Variants in ATP2A2 observed in about 807,000 individuals in gnomAD.
The protein encoded by ATP2A2 is ATPase sarcoplasmic/endoplasmic reticulum Ca2+ transporting 2.
Under a neutral mutation model 109.3 loss-of-function variants are expected in ATP2A2, and 14 were observed. The observed-to-expected ratio is 0.13, with a 90% CI of 0.08 to 0.20. ATP2A2 has a LOEUF of 0.20. ATP2A2 is among the 10% of genes least tolerant of loss of function. The probability of loss-of-function intolerance (pLI) is 1.00; values close to 1 mark genes in which losing one functional copy is unlikely to be tolerated. For synonymous variants in ATP2A2, 506 were observed against 490.9 expected (o/e 1.03, Z -0.41); for missense variants, 657 against 1,321.6 (o/e 0.50, Z 7.80).
In ATP2A2 at chr12:110,347,133, C is replaced by G. The variant is rs760439803; in HGVS notation, c.*663C>G. 3 of 1,178,572 alleles carry G rather than the reference C, an allele frequency of 2.5e-6. No homozygotes were observed. The highest frequency in any genetic ancestry group is 3.2e-6 in the Non-Finnish European group (3 of 938,444). 73.0% of individuals were successfully genotyped at this position (1,178,572 alleles called of 1,614,324 possible). A position where few individuals can be genotyped will look rare whatever the true frequency, so the allele number is the denominator to read the frequency against. On this transcript the variant is annotated 3_prime_UTR_variant, in exon 20 of 20. Transcript: ENST00000539276. ...TTTTAACGAGAGGTATGCCTGTACT[C>G]GCTTGTGCAGAAAACATTGTTCCAG... is the stretch of plus-strand genomic sequence containing the variant.
At chr12:110,299,906 G>A (rs969344499) in intron 5 of ATP2A2, among the ~76,000 whole-genome samples, 11 of 152,030 alleles carry the variant, frequency 7.2e-5, no homozygotes, top group South Asian at 2.1e-4. Flanking sequence ...ACAGGCATGC[G>A]CCATCATGCC....
rs115703144 is a variant in ATP2A2, at chr12:110,333,927, G to A, written c.1288-85G>A. ...AGTGTTGTAATAGAGGACAGATTGT[G>A]CTTTTGTGGAAAAAAAATATTAAAG... On this transcript the variant is annotated intron_variant, in intron 10 of 19. Coordinates refer to ENST00000539276, the MANE Select transcript of ATP2A2 (RefSeq NM_170665.4). 1.9e-6 allele frequency: 3 copies of A among 1,582,322 alleles called. No individual in the cohort carries two copies. In the African/African-American group the frequency reaches 4.0e-5, roughly 21 times the overall value.
rs1880208850 is a variant in ATP2A2, at chr12:110,349,582, G to A, written c.*3112G>A. 3 of 986,432 alleles carry A rather than the reference G, an allele frequency of 3.0e-6. No individual in the cohort carries two copies. Among genetic ancestry groups the A allele is most frequent in the South Asian group, 9.4e-5 (2 of 21,330 alleles). 61.1% of individuals were successfully genotyped at this position (986,432 alleles called of 1,614,324 possible). On this transcript the variant is annotated 3_prime_UTR_variant, in exon 20 of 20. Transcript: ENST00000539276. ...CTGGCCGACTTCCCTCACAACAGCT[G>A]CTCCCACATCCCCTCGGACTGGAGC...
rs1879414520 is a variant in ATP2A2 at position 110,342,131 on chromosome 12, A to G, written c.2098-97A>G. Reference sequence around the variant, plus strand: ...TCTTTGCCAAGAGACCTACGGCTCTATTCATTTTCCTCCTGCTTCCCATTC... The same window carrying G: ...TCTTTGCCAAGAGACCTACGGCTCTGTTCATTTTCCTCCTGCTTCCCATTC... On this transcript the variant is annotated intron_variant, in intron 14 of 19. Transcript: ENST00000539276. This position sits in a 1 kb window ranked among gnomAD's most constrained non-coding sequence, Gnocchi z 4.6. The G allele has an allele frequency of 8.0e-6, 11 of 1,380,236 alleles. No homozygotes were observed. The highest frequency in any genetic ancestry group is 1.0e-5 in the Non-Finnish European group (10 of 969,572). 85.5% of individuals were successfully genotyped at this position (1,380,236 alleles called of 1,614,324 possible). A position where few individuals can be genotyped will look rare whatever the true frequency, so the allele number is the denominator to read the frequency against.
At chr12:110,343,170 C>T (rs1879516277) in intron 15 of ATP2A2, 62 bp from the exon 16 acceptor site, 1 of 1,554,910 alleles carries the variant, frequency 6.4e-7, no homozygotes, top group Non-Finnish European at 8.9e-7. Flanking sequence ...TGATGATGCT[C>T]TTTAAATAGT....
chr12:110,345,812 A>G (rs2137873489), intron 18 of ATP2A2, 189 bp from the exon 19 acceptor site: 1 of 680,244 alleles, frequency 1.5e-6, no homozygotes, highest in African/African-American at 1.8e-5. Context: ...ACATAGATAC[A>G]GAATTCACAG....
At chr12:110,295,284 C>T (rs768461286) in intron 4 of ATP2A2, among the ~76,000 whole-genome samples, 1 of 152,166 alleles carries the variant, frequency 6.6e-6, no homozygotes, top group African/African-American at 2.4e-5. Context: ...ACCTCAGCCT[C>T]CTGAGCAGCT....
At chr12:110,295,171 CT>C (rs983935965) in intron 4 of ATP2A2, among the ~76,000 whole-genome samples, 3 of 150,910 alleles carry the variant, frequency 2.0e-5, no homozygotes, top group Non-Finnish European at 4.4e-5. Context: ...GATAATTTAT[CT>C]TTTTTTTCCC....
intron 1 of ATP2A2, 58 bp from the exon 2 acceptor site, chr12:110,282,546 C>CTTT: frequency 7.6e-7 from 1 of 1,315,440 alleles, no homozygotes; most frequent in Non-Finnish European, 1.1e-6. Flanking sequence ...ATGTCTCTCT[C>CTTT]TTTTTTTTTT....
chr12:110,333,463 C>T (rs1194010226), intron 10 of ATP2A2, among the ~76,000 whole-genome samples, 180 bp downstream of exon 10: 1 of 152,146 alleles, frequency 6.6e-6, no homozygotes. Flanking sequence ...AAGCTGAGAG[C>T]CTTTCACATA....
chr12:110,323,255 G>T (rs115270402), intron 6 of ATP2A2, among the ~76,000 whole-genome samples, 183 bp downstream of exon 6: 3,312 of 152,276 alleles, frequency 0.022, 108 homozygotes, highest in African/African-American at 0.075. Flanking sequence ...CGTGATTGCG[G>T]CTCACTGCAG....
chr12:110,312,974 G>T (rs1876253651), intron 5 of ATP2A2, among the ~76,000 whole-genome samples: 1 of 151,982 alleles, frequency 6.6e-6, no homozygotes, highest in African/African-American at 2.4e-5. Flanking sequence ...AAACGGATAA[G>T]CAGAAGAGCA....
chr12:110,293,450 A>C (rs1382174947), intron 4 of ATP2A2, among the ~76,000 whole-genome samples: 9 of 144,938 alleles, frequency 6.2e-5, no homozygotes, highest in African/African-American at 7.8e-5. Flanking sequence ...GCTGGAGTGC[A>C]ATGGTGCAGT....
At chr12:110,322,549 T>G (rs1170554521) in intron 5 of ATP2A2, among the ~76,000 whole-genome samples, 1 of 152,202 alleles carries the variant, frequency 6.6e-6, no homozygotes, top group Non-Finnish European at 1.5e-5. Context: ...GAATATCTTT[T>G]TAAAGGGGGC....
At position 110,350,313 on chromosome 12, in the gene ATP2A2, C is replaced by T. The variant is rs1880285659; in HGVS notation, c.*3843C>T. 2 of 1,614,056 alleles carry T rather than the reference C, an allele frequency of 1.2e-6. No individual in the cohort carries two copies. Among genetic ancestry groups the T allele is most frequent in the Non-Finnish European group, 8.5e-7 (1 of 1,180,046 alleles). ...TCAGCAATACTGGAGTAACCGCTTC[C>T]TAAACCATTTTGCAGAAATGTAAGG... On this transcript the variant is annotated 3_prime_UTR_variant, in exon 20 of 20. Transcript: ENST00000539276.
In ATP2A2 at chr12:110,340,684, T is replaced by TG. The variant is rs1879264870; in HGVS notation, c.1790dup (p.Met598HisfsTer48). 1 of 1,614,092 alleles carries TG rather than the reference T, an allele frequency of 6.2e-7. No homozygotes were observed. Among genetic ancestry groups the TG allele is most frequent in the Admixed American group, 1.7e-5 (1 of 60,008 alleles). On this transcript the variant is annotated frameshift_variant, in exon 14 of 20. Coordinates refer to ENST00000539276, the MANE Select transcript of ATP2A2 (RefSeq NM_170665.4). LOFTEE classifies it high-confidence loss of function. This position sits in a 1 kb window ranked among gnomAD's most constrained non-coding sequence, Gnocchi z 6.0. ...ACCAATCTGACCTTCGTTGGCTGCG[T>TG]GGGCATGCTGGATCCTCCGAGAATC...
chr12:110,344,983 C>T lies in ATP2A2; in HGVS notation c.2607+12C>T. On this transcript the variant is annotated intron_variant, in intron 17 of 19. Coordinates refer to ENST00000539276, the MANE Select transcript of ATP2A2 (RefSeq NM_170665.4). Reference sequence around the variant, plus strand: ...CCTTCTACCAGCTGGTACTCAGTCACCTTTCTTTCTGTACCTTACATGAGA... The same window carrying T: ...CCTTCTACCAGCTGGTACTCAGTCATCTTTCTTTCTGTACCTTACATGAGA... 6.2e-7 allele frequency: 1 copy of T among 1,613,366 alleles called. No individual in the cohort carries two copies. Among genetic ancestry groups the T allele is most frequent in the Non-Finnish European group, 8.5e-7 (1 of 1,179,314 alleles).
At chr12:110,341,135 A>C (rs1214800597) in intron 14 of ATP2A2, 141 bp downstream of exon 14, 2 of 954,544 alleles carry the variant, frequency 2.1e-6, no homozygotes, top group South Asian at 1.5e-5. Flanking sequence ...GAATTCGGTG[A>C]ATCAGTGGTT....
intron 4 of ATP2A2, among the ~76,000 whole-genome samples, chr12:110,295,639 TATAC>T (rs1873888331): frequency 1.3e-5 from 2 of 152,230 alleles, no homozygotes; most frequent in South Asian, 4.1e-4. Flanking sequence ...TTCTGGGGTA[TATAC>T]ATCAAAACTG....
Sources: allele counts gnomAD v4.1 joint callset (sites outside exome capture counted in the v4.1 genomes callset), GRCh38; gene constraint gnomAD v4.1.1; non-coding constraint Gnocchi (gnomAD v3.1); transcripts MANE v1.5; gene names NCBI Gene and HGNC (gene_info 2026-07-23, HGNC 2026-07-21).